The following XKR4 variants were observed in gnomAD, a reference collection of about 807,000 sequenced individuals.
XKR4 encodes XK-related protein 4.
Under a neutral mutation model 53.9 loss-of-function variants are expected in XKR4, and 12 were observed. The observed-to-expected ratio is 0.22, with a 90% CI of 0.14 to 0.36. The LOEUF (loss-of-function observed/expected upper bound fraction) is 0.36, where lower values mean the gene tolerates loss of function less well. XKR4 is among the 10% of genes least tolerant of loss of function. XKR4 has a pLI of 1.00. For missense variants in XKR4, 799 were observed against 859.5 expected, an observed-to-expected ratio of 0.93 and a Z score of 0.88; for synonymous variants, 354 against 362.4, an observed-to-expected ratio of 0.98 and a Z score of 0.26.
intron 2 of XKR4, among the ~76,000 whole-genome samples, chr8:55,456,664 G>A (rs1248316794): frequency 6.6e-6 from 1 of 152,132 alleles, no homozygotes; most frequent in African/African-American, 2.4e-5. Flanking sequence ...TATATCAACA[G>A]CAAATTTGAG....
chr8:55,182,335 CT>C (rs1817322429), intron 1 of XKR4, among the ~76,000 whole-genome samples: 1 of 151,880 alleles, frequency 6.6e-6, no homozygotes, highest in Admixed American at 6.6e-5. Flanking sequence ...ATGGATTACA[CT>C]TTGGTGCATT....
At chr8:55,452,484 A>T in intron 2 of XKR4, 1 of 632,928 alleles carries the variant, frequency 1.6e-6, no homozygotes, top group Non-Finnish European at 2.9e-6. Flanking sequence ...TGGCAGGTAG[A>T]TGCGCAGGCC....
chr8:55,450,742 A>T, intron 2 of XKR4: 1 of 581,716 alleles, frequency 1.7e-6, no homozygotes, highest in South Asian at 1.6e-5. Flanking sequence ...CTTCTCCACC[A>T]GCAGGTGGAA....
intron 2 of XKR4, among the ~76,000 whole-genome samples, chr8:55,439,882 A>C (rs1486938294): frequency 1.3e-5 from 2 of 152,350 alleles, no homozygotes; most frequent in Non-Finnish European, 2.9e-5. Context: ...TAATCTTAAC[A>C]AGAATAAATC....
chr8:55,188,458 C>A (rs1203425462), intron 1 of XKR4, among the ~76,000 whole-genome samples: 3 of 152,084 alleles, frequency 2.0e-5, no homozygotes, highest in Non-Finnish European at 4.4e-5. Context: ...TTAAAAGAAG[C>A]CAAATAGTAA....
intron 1 of XKR4, among the ~76,000 whole-genome samples, chr8:55,247,855 C>CTTTCTTTCTTTT (rs369983175): frequency 2.2e-4 from 13 of 59,860 alleles, no homozygotes; most frequent in African/African-American, 4.9e-4. Flanking sequence ...TTCTTTCTTT[C>CTTTCTTTCTTTT]TTTTTTTTTT....
At chr8:55,273,022 T>G in intron 1 of XKR4, 1 of 383,194 alleles carries the variant, frequency 2.6e-6, no homozygotes, top group South Asian at 2.0e-5. Context: ...AAGGGTGTGA[T>G]GTGGTGATGT....
chr8:55,355,428 G>A (rs896032042), intron 1 of XKR4, among the ~76,000 whole-genome samples: 4 of 152,070 alleles, frequency 2.6e-5, no homozygotes, highest in East Asian at 3.8e-4. Context: ...GAAAGACAAA[G>A]CAATGGATTA....
At chr8:55,235,038 G>A (rs1818100045) in intron 1 of XKR4, among the ~76,000 whole-genome samples, 1 of 152,194 alleles carries the variant, frequency 6.6e-6, no homozygotes, top group Non-Finnish European at 1.5e-5. Flanking sequence ...TCACAGCTCA[G>A]GAGGCCAGAA....
chr8:55,386,531 T>C (rs1804318131), intron 2 of XKR4, among the ~76,000 whole-genome samples: 1 of 152,214 alleles, frequency 6.6e-6, no homozygotes, highest in Non-Finnish European at 1.5e-5. Flanking sequence ...GCGTTCCTAA[T>C]TGAGGATTCA....
intron 1 of XKR4, among the ~76,000 whole-genome samples, chr8:55,244,363 C>G (rs1818253548): frequency 6.6e-6 from 1 of 152,198 alleles, no homozygotes; most frequent in Non-Finnish European, 1.5e-5. Context: ...TAATGGCCTC[C>G]AGCTCCATCC....
At chr8:55,511,144 GA>G (rs1806619858) in intron 2 of XKR4, among the ~76,000 whole-genome samples, 1 of 152,078 alleles carries the variant, frequency 6.6e-6, no homozygotes, top group Non-Finnish European at 1.5e-5. Context: ...TGGGACGCTG[GA>G]AAATAGGACA....
chr8:55,229,717 T>C (rs902886171), intron 1 of XKR4, among the ~76,000 whole-genome samples: 4 of 152,232 alleles, frequency 2.6e-5, no homozygotes, highest in African/African-American at 9.6e-5. Flanking sequence ...TCTCTCTTCT[T>C]GCGTCTACTA....
At chr8:55,114,353 T>C (rs1018130308) in intron 1 of XKR4, among the ~76,000 whole-genome samples, 1 of 152,236 alleles carries the variant, frequency 6.6e-6, no homozygotes, top group Non-Finnish European at 1.5e-5. Context: ...TTCATATGTC[T>C]GTTGGCTGCT....
chr8:55,422,217 G>A (rs1210726901), intron 2 of XKR4, among the ~76,000 whole-genome samples: 1 of 152,212 alleles, frequency 6.6e-6, no homozygotes, highest in African/African-American at 2.4e-5. Flanking sequence ...CACCTACAAT[G>A]TGAGGAATTC....
At chr8:55,433,881 A>G (rs937163141) in intron 2 of XKR4, among the ~76,000 whole-genome samples, 1 of 152,076 alleles carries the variant, frequency 6.6e-6, no homozygotes, top group African/African-American at 2.4e-5. Context: ...AAAATAAAAA[A>G]CATTAACTGG....
chr8:55,402,798 C>T (rs967473238), intron 2 of XKR4, among the ~76,000 whole-genome samples: 2 of 152,088 alleles, frequency 1.3e-5, no homozygotes, highest in Non-Finnish European at 2.9e-5. Flanking sequence ...ACAAGGGCCA[C>T]GGGCAGGTTC....
chr8:55,137,571 AC>A (rs1408488216), intron 1 of XKR4, among the ~76,000 whole-genome samples: 1 of 146,970 alleles, frequency 6.8e-6, no homozygotes, highest in East Asian at 2.0e-4. Context: ...ACAGAAGAGA[AC>A]TTTTTTTTTT....
chr8:55,161,686 T>G (rs1232479106), intron 1 of XKR4: 2 of 452,636 alleles, frequency 4.4e-6, no homozygotes, highest in Admixed American at 2.4e-5. Context: ...ACCTGGTACC[T>G]GCCTACTGGT....
Sources: gnomAD v4.1 joint callset for allele counts (sites outside exome capture counted in the v4.1 genomes callset) on GRCh38, gnomAD v4.1.1 for gene constraint, MANE v1.5 for transcripts, NCBI Gene and HGNC (gene_info 2026-07-23, HGNC 2026-07-21) for gene names.